The following GATA4 variants were observed in gnomAD, a reference collection of about 807,000 sequenced individuals.
GATA4 encodes the protein transcription factor GATA-4.
GATA4 carries 7 observed loss-of-function variants against 37.9 expected under a neutral mutation model. The observed-to-expected ratio is 0.18, with a 90% CI of 0.11 to 0.35. The LOEUF (loss-of-function observed/expected upper bound fraction) is 0.35, where lower values mean the gene tolerates loss of function less well. Ranked by LOEUF, GATA4 falls within the 10% of genes least tolerant of loss-of-function variation. The pLI, the probability that GATA4 is intolerant of heterozygous loss-of-function variation, is 1.00. For synonymous variants in GATA4, 372 were observed against 292.6 expected, an observed-to-expected ratio of 1.27 and a Z score of -2.77; for missense variants, 647 against 653.0, an observed-to-expected ratio of 0.99 and a Z score of 0.10.
intron 2 of GATA4, among the ~76,000 whole-genome samples, chr8:11,734,379 G>A (rs1273996843): frequency 7.2e-5 from 11 of 152,244 alleles, no homozygotes; most frequent in Admixed American, 7.2e-4. Flanking sequence ...CAAGATCACG[G>A]CACTGGCAGA....
intron 1 of GATA4, among the ~76,000 whole-genome samples, chr8:11,693,780 G>C (rs766703257): frequency 6.6e-6 from 1 of 152,156 alleles, no homozygotes; most frequent in Non-Finnish European, 1.5e-5. Context: ...CGCAGGTCCA[G>C]GATCGATATG....
At chr8:11,684,975 T>A (rs1370756209) in intron 1 of GATA4, among the ~76,000 whole-genome samples, 1 of 152,148 alleles carries the variant, frequency 6.6e-6, no homozygotes, top group Non-Finnish European at 1.5e-5. Context: ...CAAAAAGTGG[T>A]CATATTCTTT....
At chr8:11,698,238 A>G (rs1799566413) in intron 1 of GATA4, among the ~76,000 whole-genome samples, 2 of 152,144 alleles carry the variant, frequency 1.3e-5, no homozygotes, top group South Asian at 2.1e-4. Context: ...TGGTTTTTCC[A>G]TAATATTTCA....
intron 2 of GATA4, among the ~76,000 whole-genome samples, chr8:11,725,951 G>C (rs984267999): frequency 6.6e-6 from 1 of 152,208 alleles, no homozygotes; most frequent in East Asian, 1.9e-4. Context: ...ATTCCTGAGC[G>C]TCAGCCTGTG....
In GATA4 at chr8:11,748,976, C is replaced by T; in HGVS notation, c.677C>T (p.Thr226Ile). Reference sequence around the variant, plus strand: ...TGTGTCAACTGTGGGGCTATGTCCACCCCGCTCTGGAGGCGAGATGGGACG... The same window carrying T: ...TGTGTCAACTGTGGGGCTATGTCCATCCCGCTCTGGAGGCGAGATGGGACG... ...RECVNCGAMS[T>I]PLWRRDGTGH... The change falls in exon 3 of 7, where the codon ACC (threonine) becomes ATC (isoleucine). Residue 226 changes from threonine to isoleucine, a missense_variant. By Grantham distance (89) the Thr-to-Ile change is moderately conservative. Transcript: ENST00000532059. The T allele has an allele frequency of 6.2e-7, 1 of 1,614,190 alleles. No homozygotes were observed. The highest frequency in any genetic ancestry group is 8.5e-7 in the Non-Finnish European group (1 of 1,180,020).
intron 2 of GATA4, among the ~76,000 whole-genome samples, chr8:11,740,594 C>G (rs1206536978): frequency 1.3e-5 from 2 of 152,214 alleles, no homozygotes; most frequent in Non-Finnish European, 2.9e-5. Context: ...GTTCTTTCAC[C>G]TGAGGGTGAC....
rs1554488908 is a variant in GATA4, at chr8:11,709,577, G to GT, written c.616+649_616+650insT. On this transcript the variant is annotated intron_variant, in intron 2 of 6. Coordinates refer to ENST00000532059, the MANE Select transcript of GATA4 (RefSeq NM_001308093.3). This position sits in a 1 kb window ranked among gnomAD's most constrained non-coding sequence, Gnocchi z 4.3. ...GCGTGGGCGCATCATGCGGGCAGCGGGGGGGGGGGCGCACACGCCCGGTCA... is the reference window on the plus strand; with the variant it reads ...GCGTGGGCGCATCATGCGGGCAGCGGTGGGGGGGGGCGCACACGCCCGGTCA... 2.9e-5 allele frequency among the ~76,000 whole-genome samples: 4 copies of GT among 136,380 alleles called. No individual in the cohort carries two copies. The highest frequency in any genetic ancestry group is 2.4e-4 in the East Asian group (1 of 4,174). The allele number at this position is 136,380 out of a possible 152,430, so 89.5% of individuals were successfully genotyped here.
chr8:11,716,905 T>G (rs1003537139), intron 2 of GATA4, among the ~76,000 whole-genome samples: 1 of 152,272 alleles, frequency 6.6e-6, no homozygotes, highest in African/African-American at 2.4e-5. Flanking sequence ...AGAGGAAGTA[T>G]GCTAGTTTTC....
In GATA4 at chr8:11,758,195, TG is replaced by T. The variant is rs1444550320; in HGVS notation, c.1150-94del. 11 of 1,201,142 alleles carry T rather than the reference TG, an allele frequency of 9.2e-6. No individual in the cohort carries two copies. In the East Asian group the frequency reaches 2.3e-4, roughly 25 times the overall value. 74.4% of individuals were successfully genotyped at this position (1,201,142 alleles called of 1,614,324 possible). On this transcript the variant is annotated intron_variant, in intron 6 of 6. Transcript: ENST00000532059. ...CCCTTCCTGAGGGCTGAAGCCATCC[TG>T]GGGACATCTGCATAGCAGGGCACCC...
intron 2 of GATA4, among the ~76,000 whole-genome samples, chr8:11,724,781 G>C (rs1254641198): frequency 1.3e-5 from 2 of 152,360 alleles, no homozygotes; most frequent in South Asian, 2.1e-4. Flanking sequence ...TCTTGAGAGA[G>C]GAGGCGATCA....
chr8:11,724,787 G>C (rs1256166640), intron 2 of GATA4, among the ~76,000 whole-genome samples: 2 of 152,222 alleles, frequency 1.3e-5, no homozygotes, highest in Admixed American at 6.5e-5. Flanking sequence ...GAGAGGAGGC[G>C]ATCAGAGGCC....
chr8:11,680,360 A>C (rs761035380), intron 1 of GATA4: 1 of 464,402 alleles, frequency 2.2e-6, no homozygotes. Context: ...GAATCTCTGC[A>C]AGTAACTAAC....
rs1417429944 is a variant in GATA4 at position 11,749,932 on chromosome 8, C to T, written c.787-179C>T. On this transcript the variant is annotated intron_variant, in intron 3 of 6. Coordinates refer to ENST00000532059, the MANE Select transcript of GATA4 (RefSeq NM_001308093.3). This position sits in a 1 kb window ranked among gnomAD's most constrained non-coding sequence, Gnocchi z 4.6. The stretch of plus-strand genomic sequence containing the variant: ...AGAAACCTTGTTCTGATTTATTCCT[C>T]GCAGTGGCGCAGGTGACAGGAGAGT... Among the ~76,000 whole-genome samples, 4 of 152,220 alleles carry T rather than the reference C, an allele frequency of 2.6e-5. No individual in the cohort carries two copies. Among genetic ancestry groups the T allele is most frequent in the Non-Finnish European group, 5.9e-5 (4 of 68,030 alleles).
At chr8:11,742,539 T>C (rs1247704375) in intron 2 of GATA4, among the ~76,000 whole-genome samples, 1 of 152,216 alleles carries the variant, frequency 6.6e-6, no homozygotes, top group Non-Finnish European at 1.5e-5. Context: ...AGCAGAGGCC[T>C]TGGACTCTGT....
intron 2 of GATA4, among the ~76,000 whole-genome samples, chr8:11,734,917 G>A (rs984879998): frequency 6.6e-6 from 1 of 152,166 alleles, no homozygotes; most frequent in Non-Finnish European, 1.5e-5. Context: ...CTAAATTTGG[G>A]TTATTCACAG....
upstream of GATA4, among the ~76,000 whole-genome samples, chr8:11,688,532 A>G (rs910463367): frequency 2.6e-5 from 4 of 151,766 alleles, no homozygotes; most frequent in African/African-American, 7.3e-5. Context: ...ATGCACACAC[A>G]CACACACACA....
intron 2 of GATA4, among the ~76,000 whole-genome samples, chr8:11,725,566 TG>T (rs1488116421): frequency 6.6e-6 from 1 of 151,992 alleles, no homozygotes; most frequent in African/African-American, 2.4e-5. Flanking sequence ...TTCTGGAGAG[TG>T]CTTGGGTTTT....
At chr8:11,697,757 C>G in intron 1 of GATA4, 1 of 985,434 alleles carries the variant, frequency 1.0e-6, no homozygotes, top group Non-Finnish European at 1.2e-6. Context: ...GGTCGCGGCG[C>G]CTGCCTGGGC....
upstream of GATA4, among the ~76,000 whole-genome samples, chr8:11,702,953 G>T (rs1221482327): frequency 1.3e-5 from 2 of 152,240 alleles, no homozygotes; most frequent in East Asian, 1.9e-4. The surrounding 1 kb of genome is among the most constrained non-coding windows in gnomAD (Gnocchi z 4.4). Context: ...GATCCCATGG[G>T]GGGTTTCCTT....
Sources: allele counts gnomAD v4.1 joint callset (sites outside exome capture counted in the v4.1 genomes callset), GRCh38; gene constraint gnomAD v4.1.1; non-coding constraint Gnocchi (gnomAD v3.1); transcripts MANE v1.5; gene names NCBI Gene and HGNC (gene_info 2026-07-23, HGNC 2026-07-21).